Variants in CHST11 observed in about 807,000 individuals in gnomAD.
The protein encoded by CHST11 is carbohydrate sulfotransferase 11, also known as C4S-1.
A neutral mutation model predicts 30.4 loss-of-function variants in CHST11; 9 were observed. The ratio of observed to expected loss-of-function variants is 0.30; its 90% CI spans 0.18 to 0.52. The LOEUF is 0.52. Among genes scored for constraint, CHST11 ranks in the 20% least tolerant of loss-of-function variants. CHST11 has a pLI of 0.97. For missense variants in CHST11, 348 were observed against 460.6 expected (o/e 0.76, Z 2.24); for synonymous variants, 152 against 187.8 (o/e 0.81, Z 1.56).
chr12:104,528,042 A>G (rs944074469), intron 1 of CHST11, among the ~76,000 whole-genome samples: 3 of 152,182 alleles, frequency 2.0e-5, no homozygotes, highest in Non-Finnish European at 2.9e-5. Context: ...ACAAGTGGAG[A>G]TGAGATTTGG....
chr12:104,517,031 T>TC (rs758505008), intron 1 of CHST11, among the ~76,000 whole-genome samples: 1 of 151,708 alleles, frequency 6.6e-6, no homozygotes, highest in Admixed American at 6.6e-5. Flanking sequence ...GCATTCTCTT[T>TC]CCCCCCTTCC....
chr12:104,704,461 T>G (rs2040016113), intron 2 of CHST11, among the ~76,000 whole-genome samples: 1 of 152,112 alleles, frequency 6.6e-6, no homozygotes. Flanking sequence ...CCTGTGTTGC[T>G]CAGGTTCTGC....
chr12:104,754,007 G>A (rs1246524433), intron 2 of CHST11, among the ~76,000 whole-genome samples: 2 of 152,208 alleles, frequency 1.3e-5, no homozygotes, highest in Non-Finnish European at 2.9e-5. Flanking sequence ...CAGTAGCCCA[G>A]GCCTCTTTGC....
intron 2 of CHST11, among the ~76,000 whole-genome samples, chr12:104,739,134 G>A (rs1473611591): frequency 1.3e-5 from 2 of 152,210 alleles, no homozygotes; most frequent in African/African-American, 4.8e-5. Context: ...AGAGGAGCCC[G>A]GGTAGTGGGT....
chr12:104,497,909 CTTTTTTT>C (rs1205174607), intron 1 of CHST11, among the ~76,000 whole-genome samples: 12 of 75,698 alleles, frequency 1.6e-4, no homozygotes, highest in African/African-American at 6.3e-4. Context: ...CCTGCCCCCT[CTTTTTTT>C]TTTTTTTTTT....
intron 2 of CHST11, among the ~76,000 whole-genome samples, chr12:104,712,438 C>G (rs1222390171): frequency 6.6e-6 from 1 of 152,178 alleles, no homozygotes; most frequent in Non-Finnish European, 1.5e-5. Context: ...TGTACAACCA[C>G]TTCTTTACAC....
At chr12:104,573,680 C>T (rs2038652542) in intron 1 of CHST11, among the ~76,000 whole-genome samples, 1 of 152,160 alleles carries the variant, frequency 6.6e-6, no homozygotes, top group Admixed American at 6.6e-5. Flanking sequence ...AAACTGGATC[C>T]CTTCCTTACA....
rs2037995817 is a variant in CHST11, at chr12:104,513,995, G to A, written c.118+56466G>A. On this transcript the variant is annotated intron_variant, in intron 1 of 2. Transcript: ENST00000303694. ...TGGGCGAGTGCTGTGGGCTTAGCAG[G>A]GGCTGCAGGGCAGTGGGAGTGCAGA... The A allele has an allele frequency of 4.2e-6, 3 of 713,888 alleles. No homozygotes were observed. In the East Asian group the frequency reaches 8.0e-5, roughly 19 times the overall value. The allele number at this position is 713,888 out of a possible 1,614,324, so 44.2% of individuals were successfully genotyped here.
chr12:104,709,023 A>G lies in CHST11; in HGVS notation c.205-47926A>G, dbSNP rs17036232. On this transcript the variant is annotated intron_variant, in intron 2 of 2. Transcript: ENST00000303694. ...GCCATCCTGGGCCCAAGGACAGAGC[A>G]TGTTCACATAGGGCACCCGGGATGA... Among the ~76,000 whole-genome samples the G allele has an allele frequency of 8.8e-3, 1,339 of 152,312 alleles. 15 individuals carry two copies. The highest frequency in any genetic ancestry group is 0.03 in the African/African-American group (1,230 of 41,562).
chr12:104,644,744 G>A (rs1039481676), intron 2 of CHST11, among the ~76,000 whole-genome samples: 1 of 152,240 alleles, frequency 6.6e-6, no homozygotes, highest in Admixed American at 6.5e-5. Flanking sequence ...GTAGGTAGGG[G>A]AAGACTGGCT....
chr12:104,732,561 C>T (rs2040266172), intron 2 of CHST11, among the ~76,000 whole-genome samples: 1 of 152,242 alleles, frequency 6.6e-6, no homozygotes, highest in African/African-American at 2.4e-5. Context: ...AACCCACCCT[C>T]TAAGGGTCTA....
At chr12:104,573,815 C>G (rs2038654496) in intron 1 of CHST11, among the ~76,000 whole-genome samples, 1 of 152,170 alleles carries the variant, frequency 6.6e-6, no homozygotes, top group Non-Finnish European at 1.5e-5. Context: ...GACTTCATGT[C>G]TAAAACACCA....
chr12:104,571,690 C>G (rs2038627337), intron 1 of CHST11, among the ~76,000 whole-genome samples: 1 of 152,228 alleles, frequency 6.6e-6, no homozygotes, highest in Non-Finnish European at 1.5e-5. Context: ...CGTATCACCT[C>G]TCATCAAAAC....
chr12:104,535,441 G>C (rs1439688605), intron 1 of CHST11, among the ~76,000 whole-genome samples: 2 of 152,144 alleles, frequency 1.3e-5, no homozygotes, highest in Non-Finnish European at 2.9e-5. Context: ...ATGTCTGGGA[G>C]TTCTAATATG....
chr12:104,693,099 A>C (rs1344745293), intron 2 of CHST11, among the ~76,000 whole-genome samples: 1 of 151,984 alleles, frequency 6.6e-6, no homozygotes, highest in East Asian at 1.9e-4. Flanking sequence ...TCCTCCATAC[A>C]CACACATATC....
intron 1 of CHST11, among the ~76,000 whole-genome samples, chr12:104,556,746 C>A (rs2038459842): frequency 6.6e-6 from 1 of 152,144 alleles, no homozygotes; most frequent in South Asian, 2.1e-4. Context: ...TTTGGGAGGC[C>A]AAGGTGGGCG....
At position 104,560,501 on chromosome 12, in the gene CHST11, C is replaced by G. The variant is rs189562929; in HGVS notation, c.119-41405C>G. Among the ~76,000 whole-genome samples the G allele has an allele frequency of 1.6e-3, 237 of 152,082 alleles. 1 individual carries two copies. Among genetic ancestry groups the G allele is most frequent in the Non-Finnish European group, 2.1e-3 (144 of 67,996 alleles). On this transcript the variant is annotated intron_variant, in intron 1 of 2. Transcript: ENST00000303694. ...CAAACTCAAAAACATGGATCAGCACCGGGAAGCATCTTGAGATAGGGGTGG... is the reference window on the plus strand; with the variant it reads ...CAAACTCAAAAACATGGATCAGCACGGGGAAGCATCTTGAGATAGGGGTGG...
intron 1 of CHST11, among the ~76,000 whole-genome samples, chr12:104,586,669 G>A (rs1039301178): frequency 2.6e-5 from 4 of 152,232 alleles, no homozygotes; most frequent in Non-Finnish European, 5.9e-5. Flanking sequence ...AAAGCACTTC[G>A]GCATGTTTTC....
intron 1 of CHST11, among the ~76,000 whole-genome samples, chr12:104,550,558 A>G (rs1288035319): frequency 6.6e-6 from 1 of 152,204 alleles, no homozygotes; most frequent in African/African-American, 2.4e-5. Flanking sequence ...GCTGTCACCC[A>G]ATAACACTGT....
Sources: gnomAD v4.1 joint callset for allele counts (sites outside exome capture counted in the v4.1 genomes callset) on GRCh38, gnomAD v4.1.1 for gene constraint, MANE v1.5 for transcripts, NCBI Gene and HGNC (gene_info 2026-07-23, HGNC 2026-07-21) for gene names.